The following RASGEF1A variants were observed in gnomAD, a reference collection of about 807,000 sequenced individuals.
RASGEF1A encodes RasGEF domain family member 1A.
A neutral mutation model predicts 56.4 loss-of-function variants in RASGEF1A; 18 were observed. The ratio of observed to expected loss-of-function variants is 0.32; its 90% CI spans 0.22 to 0.47. RASGEF1A has a LOEUF of 0.47. Among genes scored for constraint, RASGEF1A ranks in the 20% least tolerant of loss-of-function variants. The pLI is 1.00. For missense variants in RASGEF1A, 422 were observed against 627.1 expected (o/e 0.67, Z 3.49); for synonymous variants, 245 against 242.6 (o/e 1.01, Z -0.09).
chr10:43,248,300 G>A (rs1272921607), intron 1 of RASGEF1A, among the ~76,000 whole-genome samples: 6 of 148,684 alleles, frequency 4.0e-5, no homozygotes, highest in Non-Finnish European at 8.9e-5. Flanking sequence ...AGGTTGCAGT[G>A]AGCCGAGATG....
chr10:43,229,722 GC>G (rs1203177320), intron 1 of RASGEF1A: 5 of 1,403,850 alleles, frequency 3.6e-6, no homozygotes, highest in African/African-American at 1.5e-5. Flanking sequence ...TCCTCTGCCC[GC>G]GAGCCAAGCA....
At chr10:43,240,677 C>A (rs1035547847) in intron 1 of RASGEF1A, among the ~76,000 whole-genome samples, 1 of 151,164 alleles carries the variant, frequency 6.6e-6, no homozygotes, top group African/African-American at 2.4e-5. Context: ...CAGTCTGAGG[C>A]ACAGAAAGAA....
intron 1 of RASGEF1A, among the ~76,000 whole-genome samples, chr10:43,224,425 G>A (rs1840247320): frequency 6.6e-6 from 1 of 152,162 alleles, no homozygotes; most frequent in Admixed American, 6.5e-5. Context: ...CTGACCCAGT[G>A]GGCTTTATTC....
At chr10:43,249,999 C>G (rs1204179593) in intron 1 of RASGEF1A, among the ~76,000 whole-genome samples, 6 of 152,212 alleles carry the variant, frequency 3.9e-5, no homozygotes, top group Non-Finnish European at 8.8e-5. Context: ...ACAGTGCTCA[C>G]AGCAGGGTCC....
At chr10:43,211,550 G>A (rs1363235817) in intron 1 of RASGEF1A, among the ~76,000 whole-genome samples, 1 of 152,216 alleles carries the variant, frequency 6.6e-6, no homozygotes, top group African/African-American at 2.4e-5. Flanking sequence ...CTGCCTCATT[G>A]TGGCTATCCC....
chr10:43,208,320 A>G (rs955085923), intron 1 of RASGEF1A: 1 of 985,400 alleles, frequency 1.0e-6, no homozygotes, highest in East Asian at 1.1e-4. Flanking sequence ...GCACTCTGAC[A>G]CCCCACAAAC....
chr10:43,203,415 C>T lies in RASGEF1A; in HGVS notation c.204G>A (p.Thr68=), dbSNP rs375372895. 7.0e-6 allele frequency: 11 copies of T among 1,562,680 alleles called. No homozygotes were observed. The highest frequency in any genetic ancestry group is 1.8e-4 in the Middle Eastern group (1 of 5,640). The change falls in exon 3 of 13, where the codon ACG becomes ACA. Residue 68 remains threonine, a synonymous_variant. Coordinates refer to ENST00000395810, the MANE Select transcript of RASGEF1A (RefSeq NM_145313.4). ...VPTVDYYPDR[T]YIFTFLLSSR... ...AGCTCAGGAGAAAGGTGAAGATGTA[C>T]GTCCTCTGAAGGCAGGAGACGGAGA...
chr10:43,249,499 C>T (rs1480111298), intron 1 of RASGEF1A, among the ~76,000 whole-genome samples: 1 of 152,250 alleles, frequency 6.6e-6, no homozygotes, highest in East Asian at 1.9e-4. Context: ...GGTGATTTGG[C>T]CAGCAAGGCC....
intron 3 of RASGEF1A, chr10:43,202,660 C>T (rs1283018646): frequency 2.1e-6 from 1 of 465,522 alleles, no homozygotes; most frequent in Non-Finnish European, 4.4e-6. Flanking sequence ...CCCCGCACCA[C>T]CCAGCCCGCA....
chr10:43,262,343 A>G (rs1224306446), intron 1 of RASGEF1A, among the ~76,000 whole-genome samples: 2 of 152,168 alleles, frequency 1.3e-5, no homozygotes, highest in East Asian at 3.9e-4. Flanking sequence ...ACTTGGAGAA[A>G]CAGAAGTGGT....
chr10:43,229,805 A>C (rs1840337333), intron 1 of RASGEF1A: 1 of 1,195,176 alleles, frequency 8.4e-7, no homozygotes, highest in Non-Finnish European at 1.1e-6. Context: ...GAAGCAGGGA[A>C]CCGAGGGGCT....
At chr10:43,234,671 C>T (rs1043331713) in intron 1 of RASGEF1A, among the ~76,000 whole-genome samples, 1 of 152,258 alleles carries the variant, frequency 6.6e-6, no homozygotes, top group Non-Finnish European at 1.5e-5. Context: ...TACTGGGCCA[C>T]ACCACACAGT....
intron 1 of RASGEF1A, among the ~76,000 whole-genome samples, chr10:43,261,148 C>G (rs568923481): frequency 4.6e-5 from 7 of 152,294 alleles, no homozygotes; most frequent in Admixed American, 1.3e-4. Flanking sequence ...CTGCCGTGGC[C>G]TTTCCATGAA....
chr10:43,197,063 T>C lies in RASGEF1A; in HGVS notation c.1261A>G (p.Met421Val), dbSNP rs1239208736. ...GGACACTCTACCTGTGTCCATGTCA[T>C]GAACTCATGGATCTGTCTGGAGATC... is the stretch of plus-strand genomic sequence containing the variant. ...WEISRQIHEF[M>V]TWTQVECPFE... Residue 421 changes from methionine (M) to valine (V), a missense_variant, in exon 11 of 13, where the codon ATG (methionine) becomes GTG (valine). Physicochemically the swap from Met to Val is conservative, Grantham distance 21 (BLOSUM62 1). This residue lies in a region of RASGEF1A where 149 missense variants were observed against 287.2 expected (regional missense o/e 0.52). Coordinates refer to ENST00000395810, the MANE Select transcript of RASGEF1A (RefSeq NM_145313.4). 8.7e-6 allele frequency: 14 copies of C among 1,614,016 alleles called. No individual in the cohort carries two copies. The highest frequency in any genetic ancestry group is 1.2e-5 in the Non-Finnish European group (14 of 1,179,990).
At chr10:43,255,087 GT>G (rs1276190723) in intron 1 of RASGEF1A, among the ~76,000 whole-genome samples, 1 of 152,180 alleles carries the variant, frequency 6.6e-6, no homozygotes, top group Non-Finnish European at 1.5e-5. Context: ...CCACCACCTG[GT>G]CTCTGCCTGG....
At position 43,196,000 on chromosome 10, in the gene RASGEF1A, T is replaced by A. The variant is rs1217348757; in HGVS notation, c.*244A>T. ...GAATAAGATGTTATCATGGATACCA[T>A]CTCCCATGATACTCTCCCCTCCCCC... On this transcript the variant is annotated 3_prime_UTR_variant, in exon 13 of 13. Coordinates refer to ENST00000395810, the MANE Select transcript of RASGEF1A (RefSeq NM_145313.4). The surrounding 1 kb of genome is among the most constrained non-coding windows in gnomAD (Gnocchi z 4.2). 1.4e-5 allele frequency: 5 copies of A among 366,106 alleles called. No individual in the cohort carries two copies. Among genetic ancestry groups the A allele is most frequent in the Non-Finnish European group, 2.4e-5 (5 of 204,712 alleles). 22.7% of individuals were successfully genotyped at this position (366,106 alleles called of 1,614,324 possible).
chr10:43,214,229 C>A (rs1840105269), intron 1 of RASGEF1A, among the ~76,000 whole-genome samples: 1 of 152,214 alleles, frequency 6.6e-6, no homozygotes, highest in Non-Finnish European at 1.5e-5. Context: ...CCAGAGCCTG[C>A]TGTGCGTGTC....
Position 43,201,899 on chromosome 10 carries a change from T to C in RASGEF1A, c.368A>G (p.Glu123Gly). 1 of 1,611,986 alleles carries C rather than the reference T, an allele frequency of 6.2e-7. No homozygotes were observed. Among genetic ancestry groups the C allele is most frequent in the Non-Finnish European group, 8.5e-7 (1 of 1,178,834 alleles). The stretch of plus-strand genomic sequence containing the variant: ...GTCATAGGGGAAGGCCTCGGTCCAC[T>C]CCTTCAGGAGCTGCACGATCTTGGC... ...FSAKIVQLLK[E>G]WTEAFPYDFQ... The change falls in exon 4 of 13, where the codon GAG becomes GGG. Residue 123 changes from glutamate (E) to glycine (G), a missense_variant. Physicochemically the swap from Glu to Gly is moderately conservative, Grantham distance 98. This residue lies in a region of RASGEF1A where 273 missense variants were observed against 339.9 expected (regional missense o/e 0.80). Transcript: ENST00000395810.
chr10:43,251,267 A>G (rs1483027430), intron 1 of RASGEF1A, among the ~76,000 whole-genome samples: 2 of 152,174 alleles, frequency 1.3e-5, no homozygotes, highest in Non-Finnish European at 2.9e-5. Context: ...TGGGGCCCTC[A>G]TGAAAAGCAC....
Sources: gnomAD v4.1 joint callset for allele counts (sites outside exome capture counted in the v4.1 genomes callset) on GRCh38, gnomAD v4.1.1 for gene constraint, gnomAD v4.1.1 regional missense constraint, Gnocchi (gnomAD v3.1) non-coding constraint, MANE v1.5 for transcripts, NCBI Gene and HGNC (gene_info 2026-07-23, HGNC 2026-07-21) for gene names.